FGF10: variants seen among roughly 807,000 people sequenced by gnomAD.
The protein encoded by FGF10 is fibroblast growth factor 10.
A neutral mutation model predicts 19.8 loss-of-function variants in FGF10; 2 were observed. The ratio of observed to expected loss-of-function variants is 0.10; its 90% confidence interval spans 0.04 to 0.32. The LOEUF is 0.32. Among genes scored for constraint, FGF10 ranks in the 10% least tolerant of loss-of-function variants. FGF10 has a pLI of 1.00. For missense variants in FGF10, 191 were observed against 246.3 expected, an observed-to-expected ratio of 0.78 and a Z score of 1.50; for synonymous variants, 112 against 94.0, an observed-to-expected ratio of 1.19 and a Z score of -1.10.
intron 1 of FGF10, among the ~76,000 whole-genome samples, chr5:44,370,000 T>C (rs1741708238): frequency 6.6e-6 from 1 of 152,138 alleles, no homozygotes; most frequent in Non-Finnish European, 1.5e-5. Flanking sequence ...TTCAGATTTC[T>C]ATGTGTGAAC....
rs567998887 is a variant in FGF10 at position 44,306,023 on chromosome 5, C to T, written c.430-831G>A. ...AAGGAGACATTCCTGGACAAGGCTT[C>T]GCTCTCACTCACTCCACAAATCCAG... On this transcript the variant is annotated intron_variant, in intron 2 of 2. Transcript: ENST00000264664. 2.6e-5 allele frequency among the ~76,000 whole-genome samples: 4 copies of T among 152,238 alleles called. No homozygotes were observed. The East Asian group carries it at 5.8e-4, about 22-fold the overall frequency.
Position 44,303,955 on chromosome 5 carries a change from A to T in FGF10, c.*1040T>A, listed in dbSNP as rs956562601. On this transcript the variant is annotated 3_prime_UTR_variant, in exon 3 of 3. Coordinates refer to ENST00000264664, the MANE Select transcript of FGF10 (RefSeq NM_004465.2). ...TAATGAGGCTAGGCTATTTAAATGTATTTAGCAATTAATTTTCCTTTTTTT... is the reference window on the plus strand; with the variant it reads ...TAATGAGGCTAGGCTATTTAAATGTTTTTAGCAATTAATTTTCCTTTTTTT... 6.6e-6 allele frequency: 1 copy of T among 152,066 alleles called. No individual in the cohort carries two copies. Among genetic ancestry groups the T allele is most frequent in the African/African-American group, 2.4e-5 (1 of 41,454 alleles). 9.4% of individuals were successfully genotyped at this position (152,066 alleles called of 1,614,324 possible). A position where few individuals can be genotyped will look rare whatever the true frequency, so the allele number is the denominator to read the frequency against.
intron 1 of FGF10, among the ~76,000 whole-genome samples, chr5:44,313,180 G>T (rs1839090): frequency 0.46 from 69,230 of 151,942 alleles, 17,562 homozygotes; most frequent in African/African-American, 0.68. Context: ...AAATAATTTT[G>T]GGACGCAGCG....
intron 1 of FGF10, among the ~76,000 whole-genome samples, chr5:44,363,149 T>C (rs1741529065): frequency 6.6e-6 from 1 of 151,818 alleles, no homozygotes; most frequent in South Asian, 2.1e-4. Context: ...GTATTGCATG[T>C]CATTAAAAAG....
chr5:44,348,481 C>A (rs1741136544), intron 1 of FGF10, among the ~76,000 whole-genome samples: 1 of 151,266 alleles, frequency 6.6e-6, no homozygotes, highest in Non-Finnish European at 1.5e-5. Context: ...ACTAATTGTG[C>A]ATATTTGTGT....
At chr5:44,387,116 A>G (rs1742117605) in intron 1 of FGF10, among the ~76,000 whole-genome samples, 1 of 152,216 alleles carries the variant, frequency 6.6e-6, no homozygotes, top group Admixed American at 6.5e-5. Context: ...ATCATTGTCT[A>G]CTGTCTTCAG....
Position 44,349,453 on chromosome 5 carries a change from T to TATCAGA in FGF10, c.325+38904_325+38905insTCTGAT, listed in dbSNP as rs1554038156. The stretch of plus-strand genomic sequence containing the variant: ...ATATATATATATATATATATATATA[T>TATCAGA]ATATATATATATATATCAGAATATA... On this transcript the variant is annotated intron_variant, in intron 1 of 2. Transcript: ENST00000264664. 2.6e-3 allele frequency among the ~76,000 whole-genome samples: 61 copies of TATCAGA among 23,070 alleles called. 1 individual carries two copies. Among genetic ancestry groups the TATCAGA allele is most frequent in the African/African-American group, 5.5e-3 (40 of 7,212 alleles). 15.1% of individuals were successfully genotyped at this position (23,070 alleles called of 152,430 possible).
chr5:44,325,415 G>A (rs1002846167), intron 1 of FGF10, among the ~76,000 whole-genome samples: 2 of 151,920 alleles, frequency 1.3e-5, no homozygotes, highest in African/African-American at 4.8e-5. Flanking sequence ...CAATCATGCT[G>A]CTATAAAGAC....
intron 1 of FGF10, among the ~76,000 whole-genome samples, chr5:44,341,414 T>C (rs1413964015): frequency 6.6e-6 from 1 of 151,914 alleles, no homozygotes; most frequent in East Asian, 1.9e-4. Context: ...GAAGAAGAAA[T>C]ATGATATGGT....
intron 1 of FGF10, among the ~76,000 whole-genome samples, chr5:44,384,947 C>T (rs1482388237): frequency 6.6e-6 from 1 of 152,060 alleles, no homozygotes; most frequent in Non-Finnish European, 1.5e-5. Context: ...ATGGGAGAAG[C>T]TCACAGCTGT....
rs1405031816 is a variant in FGF10 at position 44,301,047 on chromosome 5, C to T, written c.*3948G>A. Among the ~76,000 whole-genome samples, 2 of 152,052 alleles carry T rather than the reference C, an allele frequency of 1.3e-5. No individual in the cohort carries two copies. Among genetic ancestry groups the T allele is most frequent in the Non-Finnish European group, 2.9e-5 (2 of 68,006 alleles). ...TCTGAGAAGAAGCAGATCTTCGTTACTTCATTTCTAAGTACTCATAGAACT... is the reference window on the plus strand; with the variant it reads ...TCTGAGAAGAAGCAGATCTTCGTTATTTCATTTCTAAGTACTCATAGAACT... On this transcript the variant is annotated 3_prime_UTR_variant, in exon 3 of 3. Coordinates refer to ENST00000264664, the MANE Select transcript of FGF10 (RefSeq NM_004465.2).
At chr5:44,336,127 AT>A (rs1266528477) in intron 1 of FGF10, among the ~76,000 whole-genome samples, 1 of 151,934 alleles carries the variant, frequency 6.6e-6, no homozygotes, top group African/African-American at 2.4e-5. Context: ...TTTCATCAGT[AT>A]TTCATTAATG....
At chr5:44,327,734 T>C (rs191212786) in intron 1 of FGF10, among the ~76,000 whole-genome samples, 5 of 152,314 alleles carry the variant, frequency 3.3e-5, no homozygotes, top group Admixed American at 3.3e-4. Flanking sequence ...TTCAACACTT[T>C]AGCTAAAGGG....
intron 1 of FGF10, among the ~76,000 whole-genome samples, chr5:44,318,963 A>T (rs750047312): frequency 1.3e-4 from 20 of 152,210 alleles, no homozygotes; most frequent in Non-Finnish European, 1.9e-4. Context: ...GAAGATTTCG[A>T]AGAAATCTAG....
At chr5:44,325,793 G>A (rs1740601785) in intron 1 of FGF10, among the ~76,000 whole-genome samples, 1 of 152,018 alleles carries the variant, frequency 6.6e-6, no homozygotes. Flanking sequence ...AATGGGTGCA[G>A]CACACCAACA....
At chr5:44,316,006 A>G (rs149173033) in intron 1 of FGF10, among the ~76,000 whole-genome samples, 4 of 152,328 alleles carry the variant, frequency 2.6e-5, no homozygotes, top group Non-Finnish European at 5.9e-5. Flanking sequence ...GCCATAGGCA[A>G]GCGAGAGCGA....
intron 1 of FGF10, among the ~76,000 whole-genome samples, chr5:44,334,806 C>CAGCTGACAAATAA (rs1331029173): frequency 1.3e-5 from 2 of 152,024 alleles, no homozygotes; most frequent in Non-Finnish European, 2.9e-5. Context: ...ATTGTTTAGT[C>CAGCTGACAAATAA]AGCTGACAAA....
At chr5:44,346,732 A>G (rs1246520857) in intron 1 of FGF10, among the ~76,000 whole-genome samples, 1 of 151,878 alleles carries the variant, frequency 6.6e-6, no homozygotes, top group Non-Finnish European at 1.5e-5. Flanking sequence ...CTCCATCTTG[A>G]ACTTTTTGCA....
intron 1 of FGF10, among the ~76,000 whole-genome samples, chr5:44,335,569 G>T (rs1169736708): frequency 6.6e-6 from 1 of 152,068 alleles, no homozygotes; most frequent in African/African-American, 2.4e-5. Flanking sequence ...TACAACCTGA[G>T]TGTTATTAAG....
Sources: gnomAD v4.1 joint callset for allele counts (sites outside exome capture counted in the v4.1 genomes callset) on GRCh38, gnomAD v4.1.1 for gene constraint, MANE v1.5 for transcripts, NCBI Gene and HGNC (gene_info 2026-07-23, HGNC 2026-07-21) for gene names.